The following HSPA12A variants were observed in gnomAD, a reference collection of about 807,000 sequenced individuals.
HSPA12A encodes the protein heat shock protein family A (Hsp70) member 12A.
HSPA12A carries 28 observed loss-of-function variants against 69.2 expected under a neutral mutation model. That is an observed-to-expected ratio of 0.40 (90% CI 0.30 to 0.55). HSPA12A has a LOEUF of 0.55. HSPA12A is among the 20% of genes least tolerant of loss of function. The pLI is 0.38. For synonymous variants in HSPA12A, 345 were observed against 370.5 expected, an observed-to-expected ratio of 0.93 and a Z score of 0.79; for missense variants, 686 against 900.7, an observed-to-expected ratio of 0.76 and a Z score of 3.05.
At chr10:116,743,722 CG>C (rs1302345855), upstream of HSPA12A, among the ~76,000 whole-genome samples, 1 of 150,646 alleles carries the variant, frequency 6.6e-6, no homozygotes, top group Non-Finnish European at 1.5e-5. Context: ...TTATGGATGA[CG>C]GAATGGGCAG....
At chr10:116,704,700 C>T (rs1850188888) in intron 3 of HSPA12A, among the ~76,000 whole-genome samples, 1 of 152,192 alleles carries the variant, frequency 6.6e-6, no homozygotes, top group Admixed American at 6.5e-5. Flanking sequence ...GGACAATCTC[C>T]TTTCATTTGC....
Position 116,807,263 on chromosome 10 carries a change from C to A in HSPA12A, c.91+27672G>T, listed in dbSNP as rs575533272. ...ACATGAAATCTCTGGCTCCCTTCCA[C>A]GGGGTCACTGTGAGCTGGCTGTGTT... On this transcript the variant is annotated intron_variant, in intron 2 of 12. Transcript: ENST00000635765. Among the ~76,000 whole-genome samples the A allele has an allele frequency of 2.6e-4, 39 of 152,032 alleles. 1 individual carries two copies. The highest frequency in any genetic ancestry group is 9.4e-4 in the African/African-American group (39 of 41,470).
rs186130583 is a variant in HSPA12A at position 116,765,902 on chromosome 10, T to A, written c.92-58617A>T. On this transcript the variant is annotated intron_variant, in intron 2 of 12. Coordinates refer to the HSPA12A transcript ENST00000635765. ...AACATACCATATGCTGTTCTGCACC[T>A]TGGTTTTTCCTCTTTGCAACCTGGT... Among the ~76,000 whole-genome samples the A allele has an allele frequency of 4.6e-5, 7 of 152,338 alleles. No homozygotes were observed. In the East Asian group the frequency reaches 1.4e-3, roughly 29 times the overall value.
At position 116,710,669 on chromosome 10, in the gene HSPA12A, G is replaced by A. The variant is rs1348909592; in HGVS notation, c.41-3384C>T. Among the ~76,000 whole-genome samples the A allele has an allele frequency of 6.6e-6, 1 of 152,188 alleles. No individual in the cohort carries two copies. The highest frequency in any genetic ancestry group is 2.4e-5 in the African/African-American group (1 of 41,440). Reference sequence around the variant, plus strand: ...TCAGAAGTTAAAATTCAGCTACACTGTGCAATGATTGAAAACTGATCTGCA... The same window carrying A: ...TCAGAAGTTAAAATTCAGCTACACTATGCAATGATTGAAAACTGATCTGCA... On this transcript the variant is annotated intron_variant, in intron 1 of 11. Coordinates refer to ENST00000369209, the MANE Select transcript of HSPA12A (RefSeq NM_025015.3). This position sits in a 1 kb window ranked among gnomAD's most constrained non-coding sequence, Gnocchi z 4.1.
intron 1 of HSPA12A, among the ~76,000 whole-genome samples, chr10:116,715,317 A>G (rs1001404088): frequency 1.3e-5 from 2 of 152,238 alleles, no homozygotes; most frequent in Admixed American, 1.3e-4. Context: ...ACTCCAGTAA[A>G]TGCAGTGGAT....
chr10:116,736,462 T>C (rs534475449), intron 1 of HSPA12A, among the ~76,000 whole-genome samples: 2 of 152,316 alleles, frequency 1.3e-5, no homozygotes, highest in South Asian at 2.1e-4. Context: ...CTGGTACCGA[T>C]GACTATGTTA....
At chr10:116,782,994 C>G (rs760021296) in intron 2 of HSPA12A, among the ~76,000 whole-genome samples, 1 of 152,122 alleles carries the variant, frequency 6.6e-6, no homozygotes, top group Non-Finnish European at 1.5e-5. Flanking sequence ...GGCCCCAAGG[C>G]GAAAGAAGGG....
intron 2 of HSPA12A, among the ~76,000 whole-genome samples, chr10:116,807,434 C>T (rs1845090842): frequency 6.6e-6 from 1 of 152,148 alleles, no homozygotes; most frequent in African/African-American, 2.4e-5. Context: ...CTGCTCATAC[C>T]TTTGTAAACA....
chr10:116,838,573 TCTG>T (rs1845755505), intron 1 of HSPA12A, among the ~76,000 whole-genome samples: 1 of 152,178 alleles, frequency 6.6e-6, no homozygotes, highest in South Asian at 2.1e-4. Context: ...ATGCAAGAGG[TCTG>T]CCTAGAATTC....
intron 2 of HSPA12A, among the ~76,000 whole-genome samples, chr10:116,785,791 AG>A (rs1274372118): frequency 6.6e-6 from 1 of 152,056 alleles, no homozygotes; most frequent in East Asian, 1.9e-4. Context: ...TATCCCAGCC[AG>A]AAGCCAGGCA....
At position 116,692,462 on chromosome 10, in the gene HSPA12A, C is replaced by G. The variant is rs781968471; in HGVS notation, c.552G>C (p.Leu184=). ...CGAACTCCGAACCCGCCTGGTCACT[C>G]AGCTCCTGAAGCCAAGGGAAAGAAA... ...QYFKEQALKE[L]SDQAGSEFEN... Residue 184 remains leucine (L), a synonymous_variant, in exon 6 of 12, where the codon CTG becomes CTC. Transcript: ENST00000369209. The G allele has an allele frequency of 6.2e-6, 10 of 1,613,518 alleles. No homozygotes were observed. In the East Asian group the frequency reaches 2.0e-4, roughly 32 times the overall value.
At chr10:116,788,184 C>G (rs1844620156) in intron 2 of HSPA12A, among the ~76,000 whole-genome samples, 1 of 152,228 alleles carries the variant, frequency 6.6e-6, no homozygotes, top group Non-Finnish European at 1.5e-5. Flanking sequence ...CTGCAAAATT[C>G]TAGACCCCCG....
intron 2 of HSPA12A, among the ~76,000 whole-genome samples, chr10:116,756,078 C>G (rs1180137209): frequency 6.6e-6 from 1 of 152,196 alleles, no homozygotes; most frequent in African/African-American, 2.4e-5. Context: ...ACGAACACCT[C>G]CTAGCCTGTA....
chr10:116,703,535 TAAA>T (rs35271333), intron 3 of HSPA12A, among the ~76,000 whole-genome samples: 1 of 146,394 alleles, frequency 6.8e-6, no homozygotes, highest in Admixed American at 6.8e-5. Context: ...GCCTGTCTCT[TAAA>T]AAAAAAAAAA....
At chr10:116,787,022 G>T (rs7090301) in intron 2 of HSPA12A, among the ~76,000 whole-genome samples, 1 of 150,660 alleles carries the variant, frequency 6.6e-6, no homozygotes, top group Non-Finnish European at 1.5e-5. Context: ...ACACACGCAC[G>T]CACTCACACA....
Position 116,721,567 on chromosome 10 carries a change from A to AAAAAC in HSPA12A, c.41-14287_41-14283dup, listed in dbSNP as rs531180653. Among the ~76,000 whole-genome samples, 90 of 152,338 alleles carry AAAAAC rather than the reference A, an allele frequency of 5.9e-4. No individual in the cohort carries two copies. In the Middle Eastern group the frequency reaches 0.024, roughly 40 times the overall value. On this transcript the variant is annotated intron_variant, in intron 1 of 11. Transcript: ENST00000369209. ...GAACTTAAAGTAAGTCAATCTCACT[A>AAAAAC]AAAACAAAACAAAACAAAACAAAAC...
At chr10:116,728,897 C>A (rs1476732081) in intron 1 of HSPA12A, among the ~76,000 whole-genome samples, 1 of 152,200 alleles carries the variant, frequency 6.6e-6, no homozygotes, top group African/African-American at 2.4e-5. Context: ...CTTCCAGGAT[C>A]CTCAAACCAC....
intron 6 of HSPA12A, 41 bp downstream of exon 6, chr10:116,692,310 C>A: frequency 6.6e-7 from 1 of 1,503,950 alleles, no homozygotes; most frequent in Non-Finnish European, 9.3e-7. Context: ...CATCTTGAGT[C>A]CTTCTCCTCC....
chr10:116,801,508 T>A (rs1394816560), intron 2 of HSPA12A, among the ~76,000 whole-genome samples: 1 of 151,740 alleles, frequency 6.6e-6, no homozygotes, highest in East Asian at 1.9e-4. Context: ...AGAAAGGGAG[T>A]TCCTAGCATC....
Sources: allele counts gnomAD v4.1 joint callset (sites outside exome capture counted in the v4.1 genomes callset), GRCh38; gene constraint gnomAD v4.1.1; non-coding constraint Gnocchi (gnomAD v3.1); transcripts MANE v1.5; gene names NCBI Gene and HGNC (gene_info 2026-07-23, HGNC 2026-07-21).